The following MYH7 variants were observed in gnomAD, a reference collection of about 807,000 sequenced individuals.
The protein encoded by MYH7 is myosin heavy chain 7.
MYH7 carries 129 observed loss-of-function variants against 225.4 expected under a neutral mutation model. That is an observed-to-expected ratio of 0.57 (90% CI 0.50 to 0.66). MYH7 has a LOEUF of 0.66. Among genes scored for constraint, MYH7 ranks in the 30% least tolerant of loss-of-function variants. MYH7 has a pLI of 0.00. For synonymous variants in MYH7, 971 were observed against 1,007.6 expected (o/e 0.96, Z 0.69); for missense variants, 1,649 against 2,517.0 (o/e 0.66, Z 7.38).
intron 8 of MYH7, 29 bp from the exon 9 acceptor site, chr14:23,431,510 G>T: frequency 6.2e-7 from 1 of 1,613,950 alleles, no homozygotes; most frequent in Admixed American, 1.7e-5. Flanking sequence ...GTGGTGATGA[G>T]TTGGGGGAAG....
At position 23,432,462 on chromosome 14, in the gene MYH7, G is replaced by A. The variant is rs374036381; in HGVS notation, c.530+17C>T. 10 of 1,614,112 alleles carry A rather than the reference G, an allele frequency of 6.2e-6. No homozygotes were observed. Among genetic ancestry groups the A allele is most frequent in the Non-Finnish European group, 8.5e-6 (10 of 1,179,962 alleles). On this transcript the variant is annotated intron_variant, in intron 6 of 39. Coordinates refer to ENST00000355349, the MANE Select transcript of MYH7 (RefSeq NM_000257.4). ...CAGGGAGATTCTGAAAGGGAATACA[G>A]TAGCAGCTACACTCACGTGATCAGG...
In MYH7 at chr14:23,417,092, G is replaced by A. The variant is rs569833133; in HGVS notation, c.4519+61C>T. ...CAGACGCCTCTTGGAGCCCTTGGGT[G>A]GCACCATATGGGAACACTGCCAGTG... On this transcript the variant is annotated intron_variant, in intron 32 of 39. Transcript: ENST00000355349. 64 of 1,613,966 alleles carry A rather than the reference G, an allele frequency of 4.0e-5. No individual in the cohort carries two copies. In the South Asian group the frequency reaches 5.8e-4, roughly 15 times the overall value.
At chr14:23,431,224 A>T (rs528125533) in intron 9 of MYH7, among the ~76,000 whole-genome samples, 194 bp downstream of exon 9, 1 of 152,168 alleles carries the variant, frequency 6.6e-6, no homozygotes, top group Non-Finnish European at 1.5e-5. Context: ...CCATGCAGAG[A>T]CAGAAATGGA....
At position 23,415,772 on chromosome 14, in the gene MYH7, C is replaced by T. The variant is rs550015662; in HGVS notation, c.5014G>A (p.Ala1672Thr). 8.1e-6 allele frequency: 13 copies of T among 1,614,202 alleles called. No individual in the cohort carries two copies. Among genetic ancestry groups the T allele is most frequent in the South Asian group, 3.3e-5 (3 of 91,086 alleles). The stretch of plus-strand genomic sequence containing the variant: ...AGGTTGTTGCGCCGCTCCACGATGG[C>T]GATGTTCTCCTTCAGGTCGTCGTTG... Reference protein sequence around the residue: ...RANDDLKENIAIVERRNNLLQ... With the variant: ...RANDDLKENITIVERRNNLLQ... The change falls in exon 35 of 40, where the codon GCC becomes ACC. Residue 1672 changes from alanine to threonine, a missense_variant. Physicochemically the swap from Ala to Thr is moderately conservative, Grantham distance 58. Around this residue, in one of 12 missense-constraint regions of MYH7, gnomAD observed 687 missense variants for 913.8 expected, o/e 0.75. Transcript: ENST00000355349. This position sits in a 1 kb window ranked among gnomAD's most constrained non-coding sequence, Gnocchi z 6.3.
chr14:23,417,788 G>A, intron 30 of MYH7, 102 bp from the exon 31 acceptor site: 1 of 1,471,948 alleles, frequency 6.8e-7, no homozygotes, highest in Non-Finnish European at 9.3e-7. Context: ...TGAAACCTCA[G>A]AAGTGTAGCT....
chr14:23,422,590 TCTTTCTCTC>T (rs1008250045), intron 24 of MYH7, among the ~76,000 whole-genome samples: 25 of 115,270 alleles, frequency 2.2e-4, no homozygotes, highest in African/African-American at 1.2e-3. Flanking sequence ...TTTCTTTCTT[TCTTTCTCTC>T]CTTTCTTTCT....
In MYH7 at chr14:23,421,005, C is replaced by T. The variant is rs1892451550; in HGVS notation, c.3289G>A (p.Glu1097Lys). The T allele has an allele frequency of 3.1e-6, 5 of 1,612,782 alleles. No homozygotes were observed. The highest frequency in any genetic ancestry group is 4.2e-6 in the Non-Finnish European group (5 of 1,180,024). ...LNALNARIEDEQALGSQLQKK... is the reference protein window; with the variant it reads ...LNALNARIEDKQALGSQLQKK... ...TGCAGCTGGCTGCCGAGGGCCTGTT[C>T]ATCCTCAATCCTTGCGTTGAGAGCA... The change falls in exon 26 of 40, where the codon GAA becomes AAA. Residue 1097 changes from glutamate (E) to lysine (K), a missense_variant. By Grantham distance (56) the Glu-to-Lys change is moderately conservative (BLOSUM62 1). Transcript: ENST00000355349.
At chr14:23,423,280 A>C (rs1892551957) in intron 24 of MYH7, among the ~76,000 whole-genome samples, 1 of 152,208 alleles carries the variant, frequency 6.6e-6, no homozygotes, top group South Asian at 2.1e-4. Context: ...AAATTAAATA[A>C]GAAAACTCAT....
chr14:23,428,759 A>G, intron 14 of MYH7, 89 bp from the exon 15 acceptor site: 1 of 1,603,128 alleles, frequency 6.2e-7, no homozygotes, highest in Non-Finnish European at 8.5e-7. Context: ...TGAGCCCAGC[A>G]GGGCGTGGCT....
rs372731424 is a variant in MYH7, at chr14:23,430,583, C to G, written c.976G>C (p.Ala326Pro). The change falls in exon 11 of 40, where the codon GCT becomes CCT. Residue 326 changes from alanine to proline, a missense_variant. By Grantham distance (27) the Ala-to-Pro change is conservative (BLOSUM62 -1). Around this residue, in one of 12 missense-constraint regions of MYH7, gnomAD observed 131 missense variants for 231.3 expected, o/e 0.57. Coordinates refer to ENST00000355349, the MANE Select transcript of MYH7 (RefSeq NM_000257.4). ...ACATCAGTGGCCATGAGCTCCTCAG[C>G]GTCATCAATGGAGGCCACGGTGGTC... ...GETTVASIDD[A>P]EELMATDNAF... The G allele has an allele frequency of 1.1e-4, 173 of 1,613,828 alleles. No homozygotes were observed. Among genetic ancestry groups the G allele is most frequent in the Non-Finnish European group, 1.4e-4 (165 of 1,179,870 alleles).
chr14:23,434,155 T>G, intron 2 of MYH7, 39 bp downstream of exon 2: 11 of 1,060,970 alleles, frequency 1.0e-5, no homozygotes, highest in African/African-American at 1.7e-5. Flanking sequence ...ATGCCCAGTC[T>G]TACTAGATTT....
At position 23,415,348 on chromosome 14, in the gene MYH7, G is replaced by T; in HGVS notation, c.5283+33C>A. ...CTGCCCAGCCCACGGAGAGACACTGGTCTGGATCGGGTCGGTGGAGTGGGG... is the reference window on the plus strand; with the variant it reads ...CTGCCCAGCCCACGGAGAGACACTGTTCTGGATCGGGTCGGTGGAGTGGGG... On this transcript the variant is annotated intron_variant, in intron 36 of 39. Coordinates refer to ENST00000355349, the MANE Select transcript of MYH7 (RefSeq NM_000257.4). This position sits in a 1 kb window ranked among gnomAD's most constrained non-coding sequence, Gnocchi z 6.3. The T allele has an allele frequency of 1.2e-6, 2 of 1,614,222 alleles. No homozygotes were observed. Among genetic ancestry groups the T allele is most frequent in the Non-Finnish European group, 1.7e-6 (2 of 1,180,048 alleles).
At position 23,415,701 on chromosome 14, in the gene MYH7, T is replaced by G. The variant is rs1309801922; in HGVS notation, c.5085A>C (p.Thr1695=). The change falls in exon 35 of 40, where the codon ACA becomes ACC. Residue 1695 remains threonine (T), a synonymous_variant. Transcript: ENST00000355349. This position sits in a 1 kb window ranked among gnomAD's most constrained non-coding sequence, Gnocchi z 6.3. ...LEELRAVVEQ[T]ERSRKLAEQE... Reference sequence around the variant, plus strand: ...GCTCCGCCAGCTTCCGGGACCGCTCTGTCTGCTCCACCACGGCACGCAACT... The same window carrying G: ...GCTCCGCCAGCTTCCGGGACCGCTCGGTCTGCTCCACCACGGCACGCAACT... The G allele has an allele frequency of 6.2e-7, 1 of 1,614,198 alleles. No homozygotes were observed. Among genetic ancestry groups the G allele is most frequent in the Non-Finnish European group, 8.5e-7 (1 of 1,180,038 alleles).
In MYH7 at chr14:23,433,482, C is replaced by A; in HGVS notation, c.201+50G>T. ...CATGGGTGTACCCCTCTCTGTCCACCCAGGTGTACAGGTGGCCAGGGTGGA... is the reference window on the plus strand; with the variant it reads ...CATGGGTGTACCCCTCTCTGTCCACACAGGTGTACAGGTGGCCAGGGTGGA... On this transcript the variant is annotated intron_variant, in intron 3 of 39. Transcript: ENST00000355349. The surrounding 1 kb of genome is among the most constrained non-coding windows in gnomAD (Gnocchi z 4.1). 2 of 1,594,396 alleles carry A rather than the reference C, an allele frequency of 1.3e-6. No individual in the cohort carries two copies. The highest frequency in any genetic ancestry group is 1.7e-6 in the Non-Finnish European group (2 of 1,165,404).
At chr14:23,427,506 G>T in intron 16 of MYH7, 79 bp downstream of exon 16, 2 of 1,550,110 alleles carry the variant, frequency 1.3e-6, no homozygotes, top group Non-Finnish European at 8.8e-7. Flanking sequence ...TTGAAGTGGT[G>T]GGGTGTAGCA....
chr14:23,426,516 T>C (rs998755662), intron 18 of MYH7, among the ~76,000 whole-genome samples: 3 of 152,210 alleles, frequency 2.0e-5, no homozygotes, highest in African/African-American at 7.2e-5. Context: ...GATTCTGTCT[T>C]GGACAACCAG....
intron 33 of MYH7, 139 bp downstream of exon 33, chr14:23,416,729 A>T (rs1406421846): frequency 3.7e-6 from 5 of 1,347,084 alleles, no homozygotes; most frequent in Non-Finnish European, 5.2e-6. Context: ...ATCTTCACTG[A>T]ATGCCTACTA....
intron 6 of MYH7, 82 bp from the exon 7 acceptor site, chr14:23,431,951 CT>C (rs947014369): frequency 5.3e-5 from 77 of 1,441,512 alleles, no homozygotes; most frequent in Non-Finnish European, 7.4e-5. Context: ...ATGCCTGGGC[CT>C]ACCCGAGAGT....
intron 29 of MYH7, among the ~76,000 whole-genome samples, chr14:23,418,719 A>G (rs779877295): frequency 6.6e-5 from 10 of 152,210 alleles, no homozygotes; most frequent in Non-Finnish European, 1.3e-4. Context: ...TCCCTAACCT[A>G]AGATCACTGA....
Sources: allele counts gnomAD v4.1 joint callset (sites outside exome capture counted in the v4.1 genomes callset), GRCh38; gene constraint gnomAD v4.1.1; regional missense constraint gnomAD v4.1.1; non-coding constraint Gnocchi (gnomAD v3.1); transcripts MANE v1.5; gene names NCBI Gene and HGNC (gene_info 2026-07-23, HGNC 2026-07-21).